Variants in VWC2 observed in about 807,000 individuals in gnomAD.
The protein encoded by VWC2 is brorin.
A neutral mutation model predicts 29.8 loss-of-function variants in VWC2; 14 were observed. The observed-to-expected ratio is 0.47, with a 90% confidence interval of 0.31 to 0.74. The LOEUF (loss-of-function observed/expected upper bound fraction) is 0.74, where lower values mean the gene tolerates loss of function less well. Among genes scored for constraint, VWC2 ranks in the 30% least tolerant of loss-of-function variants. VWC2 has a pLI of 0.05. For missense variants in VWC2, 457 were observed against 459.8 expected (o/e 0.99, Z 0.05); for synonymous variants, 213 against 199.0 (o/e 1.07, Z -0.59).
intron 3 of VWC2, among the ~76,000 whole-genome samples, chr7:49,870,167 G>A (rs927796558): frequency 6.6e-5 from 10 of 152,160 alleles, no homozygotes; most frequent in Non-Finnish European, 1.5e-4. Flanking sequence ...TTGGGAGACC[G>A]AGGTGGGCGG....
At chr7:49,871,957 A>ACACACC (rs1292170214) in intron 3 of VWC2, among the ~76,000 whole-genome samples, 5 of 107,724 alleles carry the variant, frequency 4.6e-5, no homozygotes, top group African/African-American at 1.7e-4. Context: ...ACACACACAC[A>ACACACC]CCGAGAAAGA....
intron 3 of VWC2, among the ~76,000 whole-genome samples, chr7:49,889,751 C>T (rs1301400446): frequency 6.6e-6 from 1 of 152,114 alleles, no homozygotes; most frequent in Middle Eastern, 3.2e-3. Context: ...AAATAAACAA[C>T]AAACCTGATT....
At chr7:49,807,920 C>G (rs191560097) in intron 3 of VWC2, among the ~76,000 whole-genome samples, 90 of 152,056 alleles carry the variant, frequency 5.9e-4, no homozygotes, top group African/African-American at 2.0e-3. Flanking sequence ...CAGAGAGATA[C>G]AAAAGAGAGA....
chr7:49,819,062 C>T (rs1583648937), intron 3 of VWC2, among the ~76,000 whole-genome samples: 2 of 152,300 alleles, frequency 1.3e-5, no homozygotes, highest in South Asian at 2.1e-4. Flanking sequence ...TCACTAGCCC[C>T]TTGGGAAGAC....
chr7:49,888,632 C>T (rs970321234), intron 3 of VWC2, among the ~76,000 whole-genome samples: 12 of 152,160 alleles, frequency 7.9e-5, no homozygotes, highest in African/African-American at 2.7e-4. Context: ...CACCTTTTGC[C>T]AGGCGCGGTG....
intron 2 of VWC2, among the ~76,000 whole-genome samples, chr7:49,801,613 G>T (rs1003547044): frequency 6.6e-6 from 1 of 152,230 alleles, no homozygotes; most frequent in African/African-American, 2.4e-5. Flanking sequence ...CTGGAAAGTA[G>T]AGAGAGGCAA....
rs1286459593 is a variant in VWC2 at position 49,913,483 on chromosome 7, C to T, written c.*1298C>T. 2.0e-5 allele frequency: 3 copies of T among 152,172 alleles called. No individual in the cohort carries two copies. Among genetic ancestry groups the T allele is most frequent in the Admixed American group, 1.3e-4 (2 of 15,264 alleles). The allele number at this position is 152,172 out of a possible 1,614,324, so 9.4% of individuals were successfully genotyped here. On this transcript the variant is annotated 3_prime_UTR_variant, in exon 4 of 4. Coordinates refer to ENST00000340652, the MANE Select transcript of VWC2 (RefSeq NM_198570.5). ...GATAAAAAAAGCAAAACTATAATCA[C>T]TATTAATGTCTTTAAAGGATTAAAA...
chr7:49,901,629 A>G (rs1792732532), intron 3 of VWC2, among the ~76,000 whole-genome samples: 1 of 151,920 alleles, frequency 6.6e-6, no homozygotes. Flanking sequence ...ATTGTTGAGC[A>G]ATAGATTCAA....
chr7:49,819,679 A>G (rs1789223204), intron 3 of VWC2, among the ~76,000 whole-genome samples: 1 of 152,228 alleles, frequency 6.6e-6, no homozygotes, highest in Non-Finnish European at 1.5e-5. Flanking sequence ...CCAGCTGATA[A>G]CAAGGAACAG....
intron 3 of VWC2, among the ~76,000 whole-genome samples, chr7:49,850,764 A>G (rs569687674): frequency 2.0e-5 from 3 of 152,344 alleles, no homozygotes; most frequent in Admixed American, 2.0e-4. Context: ...TTCACCCTGC[A>G]TAACTCTCAG....
At chr7:49,822,558 C>G (rs1226660145) in intron 3 of VWC2, among the ~76,000 whole-genome samples, 2 of 152,196 alleles carry the variant, frequency 1.3e-5, no homozygotes, top group Non-Finnish European at 2.9e-5. Context: ...CCTGCCTCAG[C>G]CTCCTGAGTA....
chr7:49,850,487 G>C (rs923597654), intron 3 of VWC2: 2 of 152,198 alleles, frequency 1.3e-5, no homozygotes, highest in Non-Finnish European at 2.9e-5. Flanking sequence ...TAGGCACAAG[G>C]AGATGGACAG....
Position 49,915,775 on chromosome 7 carries a change from T to C in VWC2, c.*3590T>C, listed in dbSNP as rs1206306348. On this transcript the variant is annotated 3_prime_UTR_variant, in exon 4 of 4. Transcript: ENST00000340652. Reference sequence around the variant, plus strand: ...GGCAAGAGATCAATCCTACTTTTCATTGTTATTTTTAATATCATATTTTTC... The same window carrying C: ...GGCAAGAGATCAATCCTACTTTTCACTGTTATTTTTAATATCATATTTTTC... 2 of 152,226 alleles carry C rather than the reference T, an allele frequency of 1.3e-5. No individual in the cohort carries two copies. Among genetic ancestry groups the C allele is most frequent in the Non-Finnish European group, 2.9e-5 (2 of 68,038 alleles). 9.4% of individuals were successfully genotyped at this position (152,226 alleles called of 1,614,324 possible). A position where few individuals can be genotyped will look rare whatever the true frequency, so the allele number is the denominator to read the frequency against.
chr7:49,805,223 T>C (rs909173780), intron 3 of VWC2, among the ~76,000 whole-genome samples: 1 of 152,208 alleles, frequency 6.6e-6, no homozygotes, highest in Non-Finnish European at 1.5e-5. Context: ...GATGGTAAAC[T>C]TCTAAATGTT....
At chr7:49,887,062 G>C (rs1454056479) in intron 3 of VWC2, among the ~76,000 whole-genome samples, 1 of 151,922 alleles carries the variant, frequency 6.6e-6, no homozygotes, top group African/African-American at 2.4e-5. Context: ...CAATTCCTCT[G>C]TGATGTCTTT....
intron 3 of VWC2, among the ~76,000 whole-genome samples, chr7:49,888,728 T>C (rs1792004370): frequency 1.3e-5 from 2 of 152,082 alleles, no homozygotes; most frequent in African/African-American, 4.8e-5. Context: ...CTGGCCAACA[T>C]GGTAAAACCC....
chr7:49,895,375 C>CGTA (rs1792332851), intron 3 of VWC2, among the ~76,000 whole-genome samples: 2 of 152,186 alleles, frequency 1.3e-5, no homozygotes, highest in Non-Finnish European at 2.9e-5. Flanking sequence ...CAGGGGGACA[C>CGTA]CAATATTCAG....
At chr7:49,846,651 CTG>C (rs1461392634) in intron 3 of VWC2, among the ~76,000 whole-genome samples, 1 of 152,232 alleles carries the variant, frequency 6.6e-6, no homozygotes, top group Non-Finnish European at 1.5e-5. Context: ...CTGCATGAAA[CTG>C]TGAGTACCAC....
intron 2 of VWC2, among the ~76,000 whole-genome samples, chr7:49,802,280 T>C (rs898584683): frequency 2.6e-5 from 4 of 152,164 alleles, no homozygotes; most frequent in Admixed American, 2.6e-4. Flanking sequence ...TGAAAACCAC[T>C]GGGCTGGATC....
Sources: allele counts gnomAD v4.1 joint callset (sites outside exome capture counted in the v4.1 genomes callset), GRCh38; gene constraint gnomAD v4.1.1; transcripts MANE v1.5; gene names NCBI Gene and HGNC (gene_info 2026-07-23, HGNC 2026-07-21).